FCN2: variants seen among roughly 807,000 people sequenced by gnomAD.
FCN2 encodes ficolin-2.
FCN2 carries 31 observed loss-of-function variants against 32.5 expected under a neutral mutation model. The observed-to-expected ratio is 0.96, with a 90% CI of 0.72 to 1.29. FCN2 has a LOEUF of 1.29. FCN2 is among the 50% of genes most tolerant of loss of function. The pLI is 0.00. For synonymous variants in FCN2, 181 were observed against 164.5 expected, an observed-to-expected ratio of 1.10 and a Z score of -0.77; for missense variants, 412 against 406.5, an observed-to-expected ratio of 1.01 and a Z score of -0.12.
upstream of FCN2, among the ~76,000 whole-genome samples, chr9:134,876,860 C>A (rs761034025): frequency 6.6e-6 from 1 of 150,548 alleles, no homozygotes; most frequent in Non-Finnish European, 1.5e-5. Context: ...CAGGCGTAAG[C>A]CACCACGCCA....
At chr9:134,875,774 T>A in the FCN2 span, among the ~76,000 whole-genome samples, 2 of 152,220 alleles carry the variant, frequency 1.3e-5, no homozygotes, top group Non-Finnish European at 2.9e-5. Context: ...CACTCCCCAG[T>A]TGAACCACGG....
the FCN2 span, chr9:134,868,623 C>T: frequency 6.6e-6 from 1 of 152,436 alleles, no homozygotes; most frequent in Non-Finnish European, 1.5e-5. The surrounding 1 kb of genome is among the most constrained non-coding windows in gnomAD (Gnocchi z 4.3). Flanking sequence ...GCATGGCCCG[C>T]AGAGCTTTGC....
chr9:134,868,065 T>C, the FCN2 span, among the ~76,000 whole-genome samples: 9 of 152,252 alleles, frequency 5.9e-5, no homozygotes, highest in Admixed American at 4.6e-4. The surrounding 1 kb of genome is among the most constrained non-coding windows in gnomAD (Gnocchi z 4.3). Context: ...ACTGAGGACA[T>C]GGGCCTCCCC....
chr9:134,886,278 G>A, intron 6 of FCN2, 152 bp from the exon 7 acceptor site: 1 of 900,628 alleles, frequency 1.1e-6, no homozygotes, highest in East Asian at 2.5e-5. Context: ...TGCCGGGTCA[G>A]AGCTACACAG....
the FCN2 span, among the ~76,000 whole-genome samples, chr9:134,864,720 C>T: frequency 6.6e-6 from 1 of 152,186 alleles, no homozygotes; most frequent in East Asian, 1.9e-4. Flanking sequence ...GGGAAGCTGA[C>T]AGCGGCCACC....
the FCN2 span, among the ~76,000 whole-genome samples, chr9:134,874,551 T>G: frequency 6.6e-6 from 1 of 152,252 alleles, no homozygotes; most frequent in East Asian, 1.9e-4. Flanking sequence ...AAAATCTCTA[T>G]TCTGTGTCAT....
intron 6 of FCN2, among the ~76,000 whole-genome samples, chr9:134,886,178 C>T (rs1454917042): frequency 6.6e-6 from 1 of 152,146 alleles, no homozygotes; most frequent in African/African-American, 2.4e-5. Context: ...CACAGTGGCC[C>T]CATAGTGGAG....
chr9:134,865,862 A>C, the FCN2 span, among the ~76,000 whole-genome samples: 1 of 152,178 alleles, frequency 6.6e-6, no homozygotes, highest in Non-Finnish European at 1.5e-5. Context: ...ACAGAGAGCC[A>C]AATCATGAGT....
chr9:134,885,958 G>T, intron 6 of FCN2, 61 bp downstream of exon 6: 1 of 1,529,896 alleles, frequency 6.5e-7, no homozygotes, highest in Non-Finnish European at 8.9e-7. Flanking sequence ...CCTGCCTCTT[G>T]GGCCTGGGCT....
the FCN2 span, among the ~76,000 whole-genome samples, chr9:134,875,144 T>C: frequency 0.85 from 129,198 of 152,262 alleles, 55,168 homozygotes; most frequent in East Asian, 0.98. Flanking sequence ...AAAAGACAGT[T>C]TACTTCTTCC....
the FCN2 span, among the ~76,000 whole-genome samples, chr9:134,873,026 T>A: frequency 6.6e-6 from 1 of 152,176 alleles, no homozygotes; most frequent in African/African-American, 2.4e-5. Flanking sequence ...TTATGACTGA[T>A]GACGTTGAGC....
At chr9:134,868,832 T>C in the FCN2 span, among the ~76,000 whole-genome samples, 1 of 152,236 alleles carries the variant, frequency 6.6e-6, no homozygotes, top group Non-Finnish European at 1.5e-5. This position sits in a 1 kb window ranked among gnomAD's most constrained non-coding sequence, Gnocchi z 4.3. Context: ...TTTGGCCCTA[T>C]GGGTGGATCA....
At chr9:134,879,106 A>C (rs934131523), upstream of FCN2, among the ~76,000 whole-genome samples, 1 of 152,356 alleles carries the variant, frequency 6.6e-6, no homozygotes, top group African/African-American at 2.4e-5. Context: ...TAATCATTTA[A>C]ATTCAGCATG....
chr9:134,884,302 C>T (rs1402817097), intron 3 of FCN2, among the ~76,000 whole-genome samples: 2 of 152,186 alleles, frequency 1.3e-5, no homozygotes, highest in Non-Finnish European at 2.9e-5. Context: ...CCTACACTCA[C>T]CAAACCCCAG....
chr9:134,873,905 T>TG, the FCN2 span, among the ~76,000 whole-genome samples: 5 of 20,646 alleles, frequency 2.4e-4, no homozygotes, highest in African/African-American at 4.6e-4. Flanking sequence ...TTTTGTTTTT[T>TG]TTTGTTTTTG....
chr9:134,867,564 A>G, the FCN2 span, among the ~76,000 whole-genome samples: 9 of 150,738 alleles, frequency 6.0e-5, no homozygotes, highest in Non-Finnish European at 1.2e-4. Context: ...TGGGTGCAGC[A>G]CACCAGCATG....
At chr9:134,880,703 C>T, upstream of FCN2, 1 of 825,790 alleles carries the variant, frequency 1.2e-6, no homozygotes, top group Non-Finnish European at 2.1e-6. Context: ...GCTGGCGTCA[C>T]CAAGCCCGCG....
chr9:134,878,004 G>A (rs555123109), upstream of FCN2, among the ~76,000 whole-genome samples: 310 of 152,234 alleles, frequency 2.0e-3, no homozygotes, highest in Non-Finnish European at 3.4e-3. Flanking sequence ...AGCTGTCAGT[G>A]AATAAAAAGC....
At chr9:134,870,612 C>T in the FCN2 span, among the ~76,000 whole-genome samples, 1 of 152,202 alleles carries the variant, frequency 6.6e-6, no homozygotes, top group Non-Finnish European at 1.5e-5. This position sits in a 1 kb window ranked among gnomAD's most constrained non-coding sequence, Gnocchi z 4.3. Flanking sequence ...AAAGGAGACC[C>T]TGCCCTGAGC....
Sources: gnomAD v4.1 joint callset for allele counts (sites outside exome capture counted in the v4.1 genomes callset) on GRCh38, gnomAD v4.1.1 for gene constraint, Gnocchi (gnomAD v3.1) non-coding constraint, MANE v1.5 for transcripts, NCBI Gene and HGNC (gene_info 2026-07-23, HGNC 2026-07-21) for gene names.